The following KCNIP4 variants were observed in gnomAD, a reference collection of about 807,000 sequenced individuals.
KCNIP4 encodes potassium voltage-gated channel interacting protein 4, also known as Kv channel-interacting protein 4.
In KCNIP4, 12 loss-of-function variants were observed where a neutral mutation model predicts 34.0. The ratio of observed to expected loss-of-function variants is 0.35; its 90% CI spans 0.23 to 0.57. The LOEUF is 0.57. Among genes scored for constraint, KCNIP4 ranks in the 20% least tolerant of loss-of-function variants. The probability of loss-of-function intolerance (pLI) is 0.83; values close to 1 mark genes in which losing one functional copy is unlikely to be tolerated. For synonymous variants in KCNIP4, 124 were observed against 102.2 expected (o/e 1.21, Z -1.29); for missense variants, 238 against 311.7 (o/e 0.76, Z 1.78).
chr4:21,563,937 G>A (rs564360636), intron 1 of KCNIP4, among the ~76,000 whole-genome samples: 7 of 152,126 alleles, frequency 4.6e-5, no homozygotes, highest in South Asian at 2.1e-4. Flanking sequence ...AAAGAATCAC[G>A]TAAATTGTTT....
chr4:20,907,955 A>C (rs1049418432), intron 1 of KCNIP4, among the ~76,000 whole-genome samples: 1 of 152,116 alleles, frequency 6.6e-6, no homozygotes, highest in African/African-American at 2.4e-5. Context: ...TAATCATAAC[A>C]ACCTATTCTG....
chr4:21,812,898 T>C (rs895791087), intron 1 of KCNIP4, among the ~76,000 whole-genome samples: 15 of 152,130 alleles, frequency 9.9e-5, no homozygotes, highest in African/African-American at 3.4e-4. Context: ...GCTTGGGATA[T>C]AGGATTCCTA....
intron 3 of KCNIP4, among the ~76,000 whole-genome samples, chr4:20,772,110 G>T (rs996955970): frequency 1.2e-4 from 19 of 152,160 alleles, no homozygotes; most frequent in Admixed American, 9.2e-4. Context: ...ATGAGCACAG[G>T]GAGGTTTAAA....
intron 8 of KCNIP4, chr4:20,731,657 G>C: frequency 1.0e-6 from 1 of 985,154 alleles, no homozygotes; most frequent in South Asian, 4.7e-5. Flanking sequence ...GTGGAGATAT[G>C]ATAGATAATA....
In KCNIP4 at chr4:21,345,594, A is replaced by C. The variant is rs545122124; in HGVS notation, c.62-462885T>G. On this transcript the variant is annotated intron_variant, in intron 1 of 8. Coordinates refer to ENST00000382152, the MANE Select transcript of KCNIP4 (RefSeq NM_025221.6). ...AAACACTTTTTAATAAAAAAAAATTAGAGCTGTAGAAATAAGGAAGCTTTG... is the reference window on the plus strand; with the variant it reads ...AAACACTTTTTAATAAAAAAAAATTCGAGCTGTAGAAATAAGGAAGCTTTG... 2.0e-5 allele frequency among the ~76,000 whole-genome samples: 3 copies of C among 152,284 alleles called. No individual in the cohort carries two copies. In the East Asian group the frequency reaches 5.8e-4, roughly 29 times the overall value.
At chr4:21,151,539 C>A (rs934424683) in intron 1 of KCNIP4, among the ~76,000 whole-genome samples, 11 of 150,484 alleles carry the variant, frequency 7.3e-5, no homozygotes, top group Admixed American at 6.7e-4. Flanking sequence ...TGTGTCCTCA[C>A]ACGGTGATGA....
intron 5 of KCNIP4, among the ~76,000 whole-genome samples, chr4:20,739,402 C>A (rs1003903626): frequency 6.6e-6 from 1 of 152,198 alleles, no homozygotes; most frequent in African/African-American, 2.4e-5. Context: ...AAGGATCAGG[C>A]AGCAACATGT....
intron 1 of KCNIP4, among the ~76,000 whole-genome samples, chr4:21,748,408 T>C (rs1394050678): frequency 6.6e-6 from 1 of 152,170 alleles, no homozygotes; most frequent in Non-Finnish European, 1.5e-5. Flanking sequence ...TTTGATAAGG[T>C]GTAGACAGAA....
chr4:21,720,997 T>C (rs926484199), intron 1 of KCNIP4, among the ~76,000 whole-genome samples: 1 of 152,174 alleles, frequency 6.6e-6, no homozygotes, highest in East Asian at 1.9e-4. Context: ...TGTGTCTTTA[T>C]AGCAGCTTGA....
chr4:21,929,216 T>G (rs996416813), intron 1 of KCNIP4, among the ~76,000 whole-genome samples: 1 of 152,020 alleles, frequency 6.6e-6, no homozygotes, highest in Non-Finnish European at 1.5e-5. Context: ...AAACACCAAA[T>G]TCATGGTAGT....
At chr4:20,831,232 C>T (rs1162178976) in intron 3 of KCNIP4, among the ~76,000 whole-genome samples, 1 of 152,174 alleles carries the variant, frequency 6.6e-6, no homozygotes, top group South Asian at 2.1e-4. Flanking sequence ...TTAGACCCCA[C>T]ACCAATACTG....
At chr4:21,556,922 G>GAAAAAAAAAAAAAAAAAAAAAAACAA (rs1253971751) in intron 1 of KCNIP4, among the ~76,000 whole-genome samples, 1 of 70,846 alleles carries the variant, frequency 1.4e-5, no homozygotes, top group Non-Finnish European at 2.7e-5. Context: ...CTCCATCTCA[G>GAAAAAAAAAAAAAAAAAAAAAAACAA]AAAAAAAAAA....
chr4:20,984,081 C>G, intron 1 of KCNIP4: 1 of 1,222,802 alleles, frequency 8.2e-7, no homozygotes, highest in Non-Finnish European at 1.1e-6. Context: ...GGCGGCCCCC[C>G]GGGGTGAGGA....
At chr4:20,934,207 A>G (rs77188901) in intron 1 of KCNIP4, among the ~76,000 whole-genome samples, 3 of 152,112 alleles carry the variant, frequency 2.0e-5, no homozygotes, top group Non-Finnish European at 4.4e-5. Flanking sequence ...CCTCCTGTCC[A>G]TGTTTTTCTG....
chr4:21,340,624 T>C (rs1450924348), intron 1 of KCNIP4, among the ~76,000 whole-genome samples: 1 of 151,920 alleles, frequency 6.6e-6, no homozygotes, highest in Non-Finnish European at 1.5e-5. Flanking sequence ...CAGAATTCTG[T>C]CTGTAATCAC....
At chr4:21,181,142 C>A (rs1577843285) in intron 1 of KCNIP4, among the ~76,000 whole-genome samples, 4 of 152,062 alleles carry the variant, frequency 2.6e-5, no homozygotes, top group Admixed American at 2.6e-4. Context: ...CCTTATAGGT[C>A]AGGAATATCC....
At chr4:21,208,000 G>C (rs1756968951) in intron 1 of KCNIP4, among the ~76,000 whole-genome samples, 1 of 151,266 alleles carries the variant, frequency 6.6e-6, no homozygotes, top group African/African-American at 2.4e-5. Context: ...ACGCCACCAG[G>C]CCCACATAAT....
chr4:20,889,550 T>C (rs566816391), intron 1 of KCNIP4, among the ~76,000 whole-genome samples: 2 of 152,168 alleles, frequency 1.3e-5, no homozygotes, highest in Admixed American at 6.5e-5. Flanking sequence ...TCAGTGGAAG[T>C]CGTAAGACTT....
chr4:21,671,131 T>C (rs776980260), intron 1 of KCNIP4, among the ~76,000 whole-genome samples: 3 of 152,122 alleles, frequency 2.0e-5, no homozygotes, highest in Non-Finnish European at 4.4e-5. Context: ...CAGCCGACTT[T>C]GATTTTATTT....
Sources: allele counts gnomAD v4.1 joint callset (sites outside exome capture counted in the v4.1 genomes callset), GRCh38; gene constraint gnomAD v4.1.1; transcripts MANE v1.5; gene names NCBI Gene and HGNC (gene_info 2026-07-23, HGNC 2026-07-21).